Variants in CELF4 observed in about 807,000 individuals in gnomAD.
CELF4 encodes CUG-BP- and ETR-3-like factor 4.
Under a neutral mutation model 59.9 loss-of-function variants are expected in CELF4, and 18 were observed. The ratio of observed to expected loss-of-function variants is 0.30; its 90% CI spans 0.21 to 0.45. CELF4 has a LOEUF of 0.45. Among genes scored for constraint, CELF4 ranks in the 20% least tolerant of loss-of-function variants. The probability of loss-of-function intolerance (pLI) is 1.00; values close to 1 mark genes in which losing one functional copy is unlikely to be tolerated. For missense variants in CELF4, 456 were observed against 689.0 expected, an observed-to-expected ratio of 0.66 and a Z score of 3.79; for synonymous variants, 261 against 267.1, an observed-to-expected ratio of 0.98 and a Z score of 0.22.
At chr18:37,541,084 C>A (rs993866487) in intron 1 of CELF4, among the ~76,000 whole-genome samples, 1 of 152,116 alleles carries the variant, frequency 6.6e-6, no homozygotes, top group Non-Finnish European at 1.5e-5. Flanking sequence ...TCTAGGAAGT[C>A]TTGTTTAATT....
intron 1 of CELF4, among the ~76,000 whole-genome samples, chr18:37,562,731 CGAA>C (rs1158983149): frequency 6.6e-6 from 1 of 152,262 alleles, no homozygotes; most frequent in Non-Finnish European, 1.5e-5. Context: ...GCTCCATCAC[CGAA>C]GAAGGAGTTT....
chr18:37,312,110 CAAAAAAAAAAAA>C (rs59872500), intron 3 of CELF4, among the ~76,000 whole-genome samples: 1 of 50,796 alleles, frequency 2.0e-5, no homozygotes, highest in African/African-American at 7.2e-5. Flanking sequence ...GATTCCGTCT[CAAAAAAAAAAAA>C]AAAAAAAAGA....
chr18:37,388,617 T>C (rs2154574760), intron 2 of CELF4, among the ~76,000 whole-genome samples: 1 of 152,264 alleles, frequency 6.6e-6, no homozygotes, highest in South Asian at 2.1e-4. Context: ...AACACCCTTC[T>C]AGGTCTGCTG....
intron 7 of CELF4, among the ~76,000 whole-genome samples, chr18:37,271,737 T>C (rs1044917891): frequency 8.5e-5 from 13 of 152,228 alleles, no homozygotes; most frequent in African/African-American, 3.1e-4. Flanking sequence ...GAGCCCAGAC[T>C]CAGCTTTAGC....
intron 8 of CELF4, 108 bp downstream of exon 8, chr18:37,270,660 G>C (rs2090714448): frequency 1.5e-6 from 2 of 1,342,390 alleles, no homozygotes. Context: ...GTTTCATCAA[G>C]GAATGGACAG....
chr18:37,407,015 G>A (rs1405284713), intron 2 of CELF4, among the ~76,000 whole-genome samples: 1 of 152,164 alleles, frequency 6.6e-6, no homozygotes, highest in Non-Finnish European at 1.5e-5. Flanking sequence ...CACTTTGTTA[G>A]ACCTCAGGAA....
intron 1 of CELF4, among the ~76,000 whole-genome samples, chr18:37,523,539 C>T (rs961821460): frequency 1.3e-5 from 2 of 152,160 alleles, no homozygotes; most frequent in East Asian, 1.9e-4. Flanking sequence ...AGTATCACTG[C>T]TGGGAGAACA....
At chr18:37,272,572 GAAAAA>G (rs397692958) in intron 7 of CELF4, among the ~76,000 whole-genome samples, 3 of 104,950 alleles carry the variant, frequency 2.9e-5, no homozygotes, top group Non-Finnish European at 5.7e-5. Context: ...AAAGGGAAAT[GAAAAA>G]AAAAAAAAAA....
chr18:37,296,001 G>A (rs958254193), intron 3 of CELF4, among the ~76,000 whole-genome samples: 3 of 152,136 alleles, frequency 2.0e-5, no homozygotes, highest in Non-Finnish European at 4.4e-5. Flanking sequence ...TGAAGTCCTC[G>A]GCATGTGCAG....
chr18:37,447,341 TC>T (rs2099750933), intron 2 of CELF4, among the ~76,000 whole-genome samples: 1 of 152,166 alleles, frequency 6.6e-6, no homozygotes, highest in South Asian at 2.1e-4. Context: ...TGTTGCATCC[TC>T]CCCATAGCCC....
intron 1 of CELF4, among the ~76,000 whole-genome samples, chr18:37,531,817 G>T (rs2099969836): frequency 6.6e-6 from 1 of 152,176 alleles, no homozygotes; most frequent in Admixed American, 6.5e-5. Flanking sequence ...TGAGATCCGG[G>T]TGCAGTTAGG....
intron 1 of CELF4, among the ~76,000 whole-genome samples, chr18:37,547,160 G>GGGGTGTGTGTGTGTGT (rs2099981689): frequency 6.9e-6 from 1 of 144,170 alleles, no homozygotes; most frequent in African/African-American, 2.5e-5. Flanking sequence ...GTGTGTGTGT[G>GGGGTGTGTGTGTGTGT]GTGTGTGTGT....
chr18:37,560,386 C>G (rs1427399045), intron 1 of CELF4, among the ~76,000 whole-genome samples: 6 of 152,136 alleles, frequency 3.9e-5, no homozygotes, highest in Non-Finnish European at 8.8e-5. Context: ...AATATTTTTT[C>G]TTTGCTCTTA....
At chr18:37,314,928 G>A (rs1337653280) in intron 3 of CELF4, among the ~76,000 whole-genome samples, 6 of 152,132 alleles carry the variant, frequency 3.9e-5, no homozygotes, top group Admixed American at 1.3e-4. Flanking sequence ...CCTCCAGCCC[G>A]GGCCTCACTT....
At chr18:37,335,856 GTCATTCTC>G (rs2097755575) in intron 2 of CELF4, among the ~76,000 whole-genome samples, 1 of 152,094 alleles carries the variant, frequency 6.6e-6, no homozygotes, top group Admixed American at 6.5e-5. Flanking sequence ...TGAATGACTG[GTCATTCTC>G]CCTGGCATGG....
At chr18:37,340,660 G>A (rs756585651) in intron 2 of CELF4, among the ~76,000 whole-genome samples, 1 of 152,234 alleles carries the variant, frequency 6.6e-6, no homozygotes, top group Non-Finnish European at 1.5e-5. Context: ...CGGCCAGCCT[G>A]AGATCCCTGA....
At chr18:37,513,688 CAGAT>C (rs2099947139) in intron 1 of CELF4, among the ~76,000 whole-genome samples, 1 of 152,176 alleles carries the variant, frequency 6.6e-6, no homozygotes, top group Non-Finnish European at 1.5e-5. Flanking sequence ...TCATTCCTAC[CAGAT>C]TGTCCATGCT....
chr18:37,340,899 A>G (rs1028622603), intron 2 of CELF4, among the ~76,000 whole-genome samples: 1 of 152,180 alleles, frequency 6.6e-6, no homozygotes, highest in Non-Finnish European at 1.5e-5. Flanking sequence ...AGCTGTTTTC[A>G]TCTATTCGAC....
chr18:37,257,246 G>C (rs1314212434), intron 11 of CELF4, among the ~76,000 whole-genome samples: 1 of 152,190 alleles, frequency 6.6e-6, no homozygotes, highest in Non-Finnish European at 1.5e-5. Context: ...GACTAAACCT[G>C]TTCCAGCAGA....
Sources: allele counts gnomAD v4.1 joint callset (sites outside exome capture counted in the v4.1 genomes callset), GRCh38; gene constraint gnomAD v4.1.1; transcripts MANE v1.5; gene names NCBI Gene and HGNC (gene_info 2026-07-23, HGNC 2026-07-21).